GPD2: variants seen among roughly 807,000 people sequenced by gnomAD.
GPD2 encodes the protein glycerol-3-phosphate dehydrogenase 2.
In GPD2, 54 loss-of-function variants were observed where a neutral mutation model predicts 82.4. The ratio of observed to expected loss-of-function variants is 0.66; its 90% CI spans 0.53 to 0.82. The LOEUF (loss-of-function observed/expected upper bound fraction) is 0.82. Among genes scored for constraint, GPD2 ranks in the 40% least tolerant of loss-of-function variants. The pLI is 0.00. For missense variants in GPD2, 748 were observed against 896.2 expected (o/e 0.83, Z 2.11); for synonymous variants, 288 against 306.1 (o/e 0.94, Z 0.62).
chr2:156,467,375 C>A (rs1003213349), intron 1 of GPD2, among the ~76,000 whole-genome samples: 1 of 152,166 alleles, frequency 6.6e-6, no homozygotes. Flanking sequence ...TATTTAGAAC[C>A]TGAGGATTAT....
chr2:156,534,972 AG>A (rs1360605605), intron 6 of GPD2, among the ~76,000 whole-genome samples: 1 of 152,162 alleles, frequency 6.6e-6, no homozygotes, highest in Non-Finnish European at 1.5e-5. Flanking sequence ...ATTTTAAGAA[AG>A]GGTAGTATGG....
At position 156,550,733 on chromosome 2, in the gene GPD2, C is replaced by T. The variant is rs770665598; in HGVS notation, c.958C>T (p.Pro320Ser). Reference sequence around the variant, plus strand: ...AAGTGCTGGTGTCCATATTGTGATGCCTGGTTATTACAGGTAATTGTCTTC... The same window carrying T: ...AAGTGCTGGTGTCCATATTGTGATGTCTGGTTATTACAGGTAATTGTCTTC... ...QPSAGVHIVM[P>S]GYYSPESMGL... Residue 320 changes from proline to serine, a missense_variant, in exon 8 of 17, where the codon CCT (proline) becomes TCT (serine). This residue lies in a region of GPD2 where 692 missense variants were observed against 809.7 expected (regional missense o/e 0.85). Transcript: ENST00000438166. The T allele has an allele frequency of 1.9e-6, 3 of 1,613,256 alleles. No homozygotes were observed. In the South Asian group the frequency reaches 3.3e-5, roughly 18 times the overall value.
chr2:156,512,221 A>G lies in GPD2; in HGVS notation c.401A>G (p.Tyr134Cys). 6.6e-7 allele frequency: 1 copy of G among 1,526,092 alleles called. No homozygotes were observed. The highest frequency in any genetic ancestry group is 9.1e-7 in the Non-Finnish European group (1 of 1,099,586). The allele number at this position is 1,526,092 out of a possible 1,614,324, so 94.5% of individuals were successfully genotyped here. ...AATTTTCTCTGTTTTGCCTTTCAGTATAGGATGGTAAAAGAAGCCCTTCAT... is the reference window on the plus strand; with the variant it reads ...AATTTTCTCTGTTTTGCCTTTCAGTGTAGGATGGTAAAAGAAGCCCTTCAT... ...KAIMKLDIEQ[Y>C]RMVKEALHER... is the part of the protein sequence containing the mutation. Residue 134 changes from tyrosine to cysteine, a missense_variant and splice_region_variant, in exon 5 of 17, where the codon TAT becomes TGT. Physicochemically the swap from Tyr to Cys is radical, Grantham distance 194. Around this residue, in one of 3 missense-constraint regions of GPD2, gnomAD observed 692 missense variants for 809.7 expected, o/e 0.85. Transcript: ENST00000438166.
chr2:156,462,691 A>G (rs527942967), intron 1 of GPD2, among the ~76,000 whole-genome samples: 42 of 152,126 alleles, frequency 2.8e-4, no homozygotes, highest in Non-Finnish European at 5.3e-4. Flanking sequence ...AGTAAGCTCC[A>G]CTAACCTGAA....
intron 2 of GPD2, among the ~76,000 whole-genome samples, chr2:156,492,978 G>T (rs1163904639): frequency 6.6e-6 from 1 of 152,090 alleles, no homozygotes; most frequent in Non-Finnish European, 1.5e-5. Flanking sequence ...GTGAGATCTG[G>T]GTTCCTGAAT....
intron 6 of GPD2, among the ~76,000 whole-genome samples, chr2:156,531,819 TAGGACAAATGG>T (rs1685871713): frequency 6.6e-6 from 1 of 152,102 alleles, no homozygotes; most frequent in Admixed American, 6.6e-5. Flanking sequence ...CCTCTCTCCA[TAGGACAAATGG>T]AGGGCCACAG....
chr2:156,451,726 G>T (rs1428508644), intron 1 of GPD2, among the ~76,000 whole-genome samples: 1 of 144,442 alleles, frequency 6.9e-6, no homozygotes, highest in South Asian at 2.2e-4. Flanking sequence ...CGGACGGGGC[G>T]GCTGGCCGGG....
chr2:156,554,342 A>G (rs1233541536), intron 8 of GPD2, among the ~76,000 whole-genome samples: 2 of 152,236 alleles, frequency 1.3e-5, no homozygotes, highest in East Asian at 3.8e-4. Context: ...ATTTAAAACC[A>G]GGCATGTTTC....
intron 6 of GPD2, among the ~76,000 whole-genome samples, chr2:156,537,144 G>A (rs911926203): frequency 1.3e-5 from 2 of 152,174 alleles, no homozygotes; most frequent in Non-Finnish European, 2.9e-5. Context: ...TTGTGTAGGG[G>A]TTCCTTAAAG....
In GPD2 at chr2:156,578,959, C is replaced by T. The variant is rs1395199030; in HGVS notation, c.1838C>T (p.Thr613Ile). 1 of 1,611,086 alleles carries T rather than the reference C, an allele frequency of 6.2e-7. No individual in the cohort carries two copies. Among genetic ancestry groups the T allele is most frequent in the African/African-American group, 1.3e-5 (1 of 74,960 alleles). ...TATAAATCTCGATCAGAACAGTTAACAGATCGCTCTGAAATTAGCCTACTG... is the reference window on the plus strand; with the variant it reads ...TATAAATCTCGATCAGAACAGTTAATAGATCGCTCTGAAATTAGCCTACTG... ...MGYKSRSEQL[T>I]DRSEISLLPS... is the part of the protein sequence containing the mutation. The change falls in exon 14 of 17, where the codon ACA becomes ATA. Residue 613 changes from threonine to isoleucine, a missense_variant. Thr to Ile is a moderately conservative substitution (Grantham distance 89, BLOSUM62 -1). Around this residue, in one of 3 missense-constraint regions of GPD2, gnomAD observed 692 missense variants for 809.7 expected, o/e 0.85. Coordinates refer to ENST00000438166, the MANE Select transcript of GPD2 (RefSeq NM_000408.5).
At chr2:156,539,481 G>T (rs1686219933) in intron 6 of GPD2, among the ~76,000 whole-genome samples, 2 of 152,148 alleles carry the variant, frequency 1.3e-5, no homozygotes, top group Non-Finnish European at 1.5e-5. Context: ...TTGGGTTCAG[G>T]TCAGACTGAT....
intron 1 of GPD2, among the ~76,000 whole-genome samples, chr2:156,450,667 T>TTTTA: frequency 1.7e-5 from 1 of 60,052 alleles, no homozygotes. Flanking sequence ...AGACAACTCT[T>TTTTA]TTTTTTTTTT....
intron 1 of GPD2, among the ~76,000 whole-genome samples, chr2:156,445,054 C>T (rs1682320031): frequency 6.6e-6 from 1 of 152,204 alleles, no homozygotes; most frequent in Non-Finnish European, 1.5e-5. Flanking sequence ...TGGCCAGATT[C>T]ACAGAATTTT....
In GPD2 at chr2:156,570,336, C is replaced by T. The variant is rs17847137; in HGVS notation, c.1608+118C>T. 5.3e-5 allele frequency: 46 copies of T among 865,648 alleles called. No homozygotes were observed. The East Asian group carries it at 1.1e-3, about 21-fold the overall frequency. The allele number at this position is 865,648 out of a possible 1,614,324, so 53.6% of individuals were successfully genotyped here. ...TTTAATGCACATATGTCAGCTAAAA[C>T]CAGGACTACTATGTCTTTCCAATAT... On this transcript the variant is annotated intron_variant, in intron 12 of 16. Coordinates refer to ENST00000438166, the MANE Select transcript of GPD2 (RefSeq NM_000408.5).
chr2:156,504,295 A>G (rs1223954375), intron 3 of GPD2, among the ~76,000 whole-genome samples: 1 of 152,232 alleles, frequency 6.6e-6, no homozygotes, highest in East Asian at 1.9e-4. Flanking sequence ...TAAAATGTTC[A>G]GCCTTCGGGT....
chr2:156,577,824 C>CTA (rs1687881192), intron 13 of GPD2, among the ~76,000 whole-genome samples: 1 of 152,206 alleles, frequency 6.6e-6, no homozygotes, highest in Admixed American at 6.5e-5. Flanking sequence ...TCTCCACATT[C>CTA]TAGATTGGCT....
At chr2:156,560,775 T>A (rs1687137720) in intron 9 of GPD2, among the ~76,000 whole-genome samples, 1 of 152,206 alleles carries the variant, frequency 6.6e-6, no homozygotes, top group Admixed American at 6.5e-5. Context: ...ACTATTCTCT[T>A]CTAGGCTGAT....
At chr2:156,429,533 T>A in the GPD2 span, among the ~76,000 whole-genome samples, 12 of 152,254 alleles carry the variant, frequency 7.9e-5, no homozygotes. Context: ...ACACATTTCC[T>A]TTACCCTCAG....
At chr2:156,566,151 T>G (rs1399268671) in intron 9 of GPD2, among the ~76,000 whole-genome samples, 1 of 152,140 alleles carries the variant, frequency 6.6e-6, no homozygotes, top group Non-Finnish European at 1.5e-5. Flanking sequence ...TCCTTAACCC[T>G]TTCGTAATTT....
Sources: allele counts gnomAD v4.1 joint callset (sites outside exome capture counted in the v4.1 genomes callset), GRCh38; gene constraint gnomAD v4.1.1; regional missense constraint gnomAD v4.1.1; transcripts MANE v1.5; gene names NCBI Gene and HGNC (gene_info 2026-07-23, HGNC 2026-07-21).